Variants in ATP6V0A4 observed in about 807,000 individuals in gnomAD.
ATP6V0A4 encodes the protein ATPase H+ transporting V0 subunit a4.
In ATP6V0A4, 86 loss-of-function variants were observed where a neutral mutation model predicts 107.3. The ratio of observed to expected loss-of-function variants is 0.80; its 90% confidence interval spans 0.67 to 0.96. ATP6V0A4 has a LOEUF of 0.96. Among genes scored for constraint, ATP6V0A4 ranks in the 40% least tolerant of loss-of-function variants. The pLI is 0.00. For missense variants in ATP6V0A4, 908 were observed against 1,045.6 expected, an observed-to-expected ratio of 0.87 and a Z score of 1.81; for synonymous variants, 353 against 381.4, an observed-to-expected ratio of 0.93 and a Z score of 0.87.
intron 5 of ATP6V0A4, among the ~76,000 whole-genome samples, chr7:138,768,457 A>G (rs531229425): frequency 8.5e-5 from 13 of 152,228 alleles, no homozygotes; most frequent in African/African-American, 2.4e-4. Flanking sequence ...CAGCCCATTC[A>G]GTGGCACCCA....
At chr7:138,749,130 T>C (rs2117281988) in intron 12 of ATP6V0A4, 37 bp downstream of exon 12, 2 of 1,612,900 alleles carry the variant, frequency 1.2e-6, no homozygotes, top group East Asian at 2.2e-5. Context: ...GTTTTCACTT[T>C]CAAGCTACCC....
At chr7:138,776,674 C>T (rs531368525) in intron 2 of ATP6V0A4, among the ~76,000 whole-genome samples, 1 of 152,142 alleles carries the variant, frequency 6.6e-6, no homozygotes, top group Non-Finnish European at 1.5e-5. Flanking sequence ...GCTCAGAAAC[C>T]ACTCAGGAAC....
At position 138,727,717 on chromosome 7, in the gene ATP6V0A4, C is replaced by T. The variant is rs1411450077; in HGVS notation, c.2010+1044G>A. Among the ~76,000 whole-genome samples, 7 of 152,186 alleles carry T rather than the reference C, an allele frequency of 4.6e-5. No individual in the cohort carries two copies. In the South Asian group the frequency reaches 6.2e-4, roughly 13 times the overall value. On this transcript the variant is annotated intron_variant, in intron 18 of 21. Transcript: ENST00000310018. The stretch of plus-strand genomic sequence containing the variant: ...TATCTACAACCATTTAAAACATACA[C>T]GGTCTCAGCACATTCCGCTTAATCT...
chr7:138,718,095 TGGGG>T (rs1277491188), intron 19 of ATP6V0A4, among the ~76,000 whole-genome samples: 11 of 9,584 alleles, frequency 1.1e-3, no homozygotes, highest in Non-Finnish European at 1.8e-3. Flanking sequence ...CAGGAAGGAA[TGGGG>T]GGCGGGGGTG....
chr7:138,723,055 C>CAA (rs34685977), intron 18 of ATP6V0A4, among the ~76,000 whole-genome samples: 44,245 of 121,756 alleles, frequency 0.36, 7,882 homozygotes, highest in African/African-American at 0.4. Context: ...GAGACTGTCT[C>CAA]AAAAAAAAAA....
chr7:138,763,900 C>T (rs1480992918), intron 5 of ATP6V0A4, among the ~76,000 whole-genome samples: 2 of 150,186 alleles, frequency 1.3e-5, no homozygotes, highest in East Asian at 2.0e-4. Flanking sequence ...GCAGAGGTTA[C>T]AGTGAGCAGA....
At chr7:138,749,575 G>A (rs1211928928) in intron 11 of ATP6V0A4, among the ~76,000 whole-genome samples, 2 of 152,152 alleles carry the variant, frequency 1.3e-5, no homozygotes, top group African/African-American at 2.4e-5. Context: ...TCCTACTGCT[G>A]TAAATGCGAA....
intron 2 of ATP6V0A4, among the ~76,000 whole-genome samples, chr7:138,780,457 C>T (rs1203047446): frequency 6.6e-6 from 1 of 152,150 alleles, no homozygotes; most frequent in East Asian, 1.9e-4. Context: ...GGACTGGTAC[C>T]AGTCTATGGA....
At chr7:138,763,068 A>G in intron 5 of ATP6V0A4, 43 bp from the exon 6 acceptor site, 3 of 1,611,110 alleles carry the variant, frequency 1.9e-6, no homozygotes, top group Non-Finnish European at 2.5e-6. Flanking sequence ...AGAAAGTGCT[A>G]TGACATTCCT....
chr7:138,757,007 C>T (rs1405788633), intron 8 of ATP6V0A4, among the ~76,000 whole-genome samples: 1 of 152,148 alleles, frequency 6.6e-6, no homozygotes, highest in African/African-American at 2.4e-5. Flanking sequence ...CTCATACATA[C>T]AGTTGCTCAG....
intron 5 of ATP6V0A4, among the ~76,000 whole-genome samples, chr7:138,768,467 A>G (rs1807203219): frequency 6.6e-6 from 1 of 151,890 alleles, no homozygotes; most frequent in Admixed American, 6.6e-5. Context: ...AGTGGCACCC[A>G]GCAGACAAGA....
chr7:138,714,637 A>G (rs1192430386), intron 20 of ATP6V0A4, among the ~76,000 whole-genome samples: 2 of 152,144 alleles, frequency 1.3e-5, no homozygotes, highest in Non-Finnish European at 2.9e-5. Flanking sequence ...GGCCTGACTG[A>G]TCCTGGACTG....
Position 138,756,122 on chromosome 7 carries a change from T to C in ATP6V0A4, c.722+336A>G, listed in dbSNP as rs549240462. ...CTCTGCACTGAGTCATTTCTGCTTC[T>C]ATGGAGCTACATGTAACACGATTCT... On this transcript the variant is annotated intron_variant, in intron 9 of 21. Coordinates refer to ENST00000310018, the MANE Select transcript of ATP6V0A4 (RefSeq NM_020632.3). 4.2e-5 allele frequency: 22 copies of C among 520,054 alleles called. No individual in the cohort carries two copies. In the South Asian group the frequency reaches 4.6e-4, roughly 11 times the overall value. 32.2% of individuals were successfully genotyped at this position (520,054 alleles called of 1,614,324 possible).
chr7:138,784,269 T>TATATATATAC (rs1808070487), intron 2 of ATP6V0A4, among the ~76,000 whole-genome samples: 4 of 31,292 alleles, frequency 1.3e-4, no homozygotes, highest in African/African-American at 4.7e-4. Context: ...TATATATACA[T>TATATATATAC]ATATATATAT....
chr7:138,769,006 C>G, intron 4 of ATP6V0A4, 132 bp from the exon 5 acceptor site: 2 of 1,569,416 alleles, frequency 1.3e-6, no homozygotes, highest in Admixed American at 1.9e-5. Context: ...GCCACAGCAC[C>G]TGGATCCCAC....
At chr7:138,792,796 T>G (rs1272279347) in intron 1 of ATP6V0A4, among the ~76,000 whole-genome samples, 90 of 144,736 alleles carry the variant, frequency 6.2e-4, no homozygotes, top group African/African-American at 2.3e-3. Flanking sequence ...GTTTTTTTTT[T>G]TGTAGCAACA....
chr7:138,715,626 C>A (rs1803996930), intron 20 of ATP6V0A4, 138 bp downstream of exon 20: 1 of 1,269,928 alleles, frequency 7.9e-7, no homozygotes, highest in Admixed American at 1.7e-5. Flanking sequence ...GGCACCTGTG[C>A]CTGGGAAAGA....
intron 2 of ATP6V0A4, among the ~76,000 whole-genome samples, chr7:138,775,996 A>C (rs1213727860): frequency 6.6e-6 from 1 of 151,770 alleles, no homozygotes; most frequent in Non-Finnish European, 1.5e-5. Context: ...TGACAACATA[A>C]AGACAGGGTA....
intron 2 of ATP6V0A4, among the ~76,000 whole-genome samples, chr7:138,784,311 T>C (rs1461898176): frequency 3.1e-5 from 4 of 128,774 alleles, no homozygotes; most frequent in African/African-American, 6.3e-5. Context: ...CACACACATA[T>C]ATATATATGT....
Sources: allele counts gnomAD v4.1 joint callset (sites outside exome capture counted in the v4.1 genomes callset), GRCh38; gene constraint gnomAD v4.1.1; transcripts MANE v1.5; gene names NCBI Gene and HGNC (gene_info 2026-07-23, HGNC 2026-07-21).